The following WDFY2 variants were observed in gnomAD, a reference collection of about 807,000 sequenced individuals.
WDFY2 encodes the protein WD repeat and FYVE domain-containing protein 2.
In WDFY2, 36 loss-of-function variants were observed where a neutral mutation model predicts 56.4. That is an observed-to-expected ratio of 0.64 (90% CI 0.49 to 0.84). The LOEUF (loss-of-function observed/expected upper bound fraction) is 0.84, where lower values mean the gene tolerates loss of function less well. Ranked by LOEUF, WDFY2 falls within the 40% of genes least tolerant of loss-of-function variation. The pLI, the probability that WDFY2 is intolerant of heterozygous loss-of-function variation, is 0.00. For synonymous variants in WDFY2, 176 were observed against 183.7 expected, an observed-to-expected ratio of 0.96 and a Z score of 0.34; for missense variants, 444 against 512.2, an observed-to-expected ratio of 0.87 and a Z score of 1.29.
At chr13:51,681,786 A>C (rs745695469) in intron 3 of WDFY2, among the ~76,000 whole-genome samples, 4 of 152,158 alleles carry the variant, frequency 2.6e-5, no homozygotes, top group African/African-American at 4.8e-5. Context: ...CTTACTATTT[A>C]TTCATTTAAT....
rs961500424 is a variant in WDFY2 at position 51,763,896 on chromosome 13, C to T, written c.*4127C>T. 2.6e-5 allele frequency: 4 copies of T among 152,206 alleles called. No homozygotes were observed. Among genetic ancestry groups the T allele is most frequent in the African/African-American group, 9.6e-5 (4 of 41,454 alleles). The allele number at this position is 152,206 out of a possible 1,614,324, so 9.4% of individuals were successfully genotyped here. A position where few individuals can be genotyped will look rare whatever the true frequency, so the allele number is the denominator to read the frequency against. On this transcript the variant is annotated 3_prime_UTR_variant, in exon 12 of 12. Transcript: ENST00000298125. Reference sequence around the variant, plus strand: ...AAAGGATAGCTCTAAGTGTGGGTTGCAGTTACTGGACATAAATATTCACTA... The same window carrying T: ...AAAGGATAGCTCTAAGTGTGGGTTGTAGTTACTGGACATAAATATTCACTA...
intron 3 of WDFY2, among the ~76,000 whole-genome samples, chr13:51,687,212 A>T (rs1956076233): frequency 6.6e-6 from 1 of 151,832 alleles, no homozygotes; most frequent in African/African-American, 2.4e-5. Context: ...TATATATTGA[A>T]CACCTACTAT....
At chr13:51,636,441 T>A (rs566298403) in intron 1 of WDFY2, among the ~76,000 whole-genome samples, 1 of 152,196 alleles carries the variant, frequency 6.6e-6, no homozygotes, top group Non-Finnish European at 1.5e-5. Context: ...CCTTGACCCA[T>A]TGAGGCATGA....
intron 1 of WDFY2, among the ~76,000 whole-genome samples, chr13:51,659,270 G>A (rs764358805): frequency 8.1e-4 from 124 of 152,272 alleles, no homozygotes; most frequent in Non-Finnish European, 1.3e-3. Context: ...AGTGGGGCAG[G>A]TGGCAGATAT....
intron 1 of WDFY2, among the ~76,000 whole-genome samples, chr13:51,624,711 T>G (rs1323489498): frequency 1.3e-5 from 2 of 152,186 alleles, no homozygotes; most frequent in Non-Finnish European, 2.9e-5. Flanking sequence ...GTGAAGTTTT[T>G]CCTTTTAAAA....
At chr13:51,755,682 A>AT (rs1407784314) in intron 9 of WDFY2, among the ~76,000 whole-genome samples, 2 of 152,106 alleles carry the variant, frequency 1.3e-5, no homozygotes, top group Admixed American at 6.6e-5. Context: ...TAGGGATGTG[A>AT]TTTTAGAATT....
Position 51,761,044 on chromosome 13 carries a change from C to A in WDFY2, c.*1275C>A, listed in dbSNP as rs1424313750. 6.6e-6 allele frequency: 1 copy of A among 152,208 alleles called. No individual in the cohort carries two copies. Among genetic ancestry groups the A allele is most frequent in the African/African-American group, 2.4e-5 (1 of 41,448 alleles). 9.4% of individuals were successfully genotyped at this position (152,208 alleles called of 1,614,324 possible). On this transcript the variant is annotated 3_prime_UTR_variant, in exon 12 of 12. Coordinates refer to ENST00000298125, the MANE Select transcript of WDFY2 (RefSeq NM_052950.4). ...ATGTTCATTACGGCAAGATTGTAAT[C>A]CTGCTGTATTCCTCGCCCTCTGTAT...
intron 1 of WDFY2, among the ~76,000 whole-genome samples, chr13:51,619,465 C>T (rs1954686195): frequency 6.6e-6 from 1 of 151,824 alleles, no homozygotes; most frequent in South Asian, 2.1e-4. Context: ...AAAAAGCCTC[C>T]AGAAGGTATC....
At chr13:51,584,928 G>T (rs1953907341) in intron 1 of WDFY2, 104 bp downstream of exon 1, 2 of 1,475,660 alleles carry the variant, frequency 1.4e-6, no homozygotes, top group South Asian at 2.6e-5. Context: ...GTGTAGACTT[G>T]CTCCCCCAAG....
At chr13:51,590,816 T>TAAAAA (rs1954029414) in intron 1 of WDFY2, 1 of 152,116 alleles carries the variant, frequency 6.6e-6, no homozygotes, top group Non-Finnish European at 1.5e-5. Context: ...CAGTCTTCTC[T>TAAAAA]TTAAAAAAAT....
intron 2 of WDFY2, among the ~76,000 whole-genome samples, chr13:51,671,010 G>C (rs749913980): frequency 6.6e-6 from 1 of 152,094 alleles, no homozygotes; most frequent in Non-Finnish European, 1.5e-5. Context: ...TTAGAATAAT[G>C]GTCTCCAATT....
chr13:51,692,363 G>A (rs974403570), intron 3 of WDFY2, among the ~76,000 whole-genome samples: 3 of 152,108 alleles, frequency 2.0e-5, no homozygotes, highest in African/African-American at 4.8e-5. Flanking sequence ...TTTGAAATAC[G>A]TCCCATCAAT....
intron 1 of WDFY2, among the ~76,000 whole-genome samples, chr13:51,646,795 A>G (rs1444408582): frequency 6.6e-6 from 1 of 152,202 alleles, no homozygotes; most frequent in East Asian, 1.9e-4. Flanking sequence ...TTGCTAGAAT[A>G]TAGCACAAAG....
At chr13:51,651,879 G>C (rs1467051340) in intron 1 of WDFY2, among the ~76,000 whole-genome samples, 1 of 152,208 alleles carries the variant, frequency 6.6e-6, no homozygotes, top group Non-Finnish European at 1.5e-5. Flanking sequence ...ATATTCTGTT[G>C]ATTTGGGGTA....
chr13:51,670,887 C>G (rs142343801), intron 2 of WDFY2, among the ~76,000 whole-genome samples: 29 of 152,178 alleles, frequency 1.9e-4, no homozygotes, highest in Non-Finnish European at 2.6e-4. Flanking sequence ...CACCTTTCCT[C>G]GAATCCCCAA....
intron 1 of WDFY2, chr13:51,589,904 A>C (rs966878235): frequency 2.0e-5 from 3 of 152,172 alleles, no homozygotes; most frequent in African/African-American, 2.4e-5. Context: ...TTTACTCCGA[A>C]TTCAAAACAT....
intron 3 of WDFY2, among the ~76,000 whole-genome samples, chr13:51,677,328 A>G (rs1955905159): frequency 6.6e-6 from 1 of 152,226 alleles, no homozygotes; most frequent in Non-Finnish European, 1.5e-5. Context: ...TGCATACCCT[A>G]CCTCTTCTCA....
rs1240341020 is a variant in WDFY2 at position 51,710,048 on chromosome 13, GGCAAACCGAATCCA to G, written c.334+6402_334+6415del. 7.9e-5 allele frequency among the ~76,000 whole-genome samples: 12 copies of G among 152,230 alleles called. No individual in the cohort carries two copies. In the East Asian group the frequency reaches 2.1e-3, roughly 27 times the overall value. On this transcript the variant is annotated intron_variant, in intron 4 of 11. Transcript: ENST00000298125. ...GTGCAAAAATCCTCAATAAAATACT[GGCAAACCGAATCCA>G]GCAGCATATCAAAAAGCTTATCCAC...
chr13:51,687,589 A>AT (rs1371563670), intron 3 of WDFY2, among the ~76,000 whole-genome samples: 2 of 151,746 alleles, frequency 1.3e-5, no homozygotes, highest in Non-Finnish European at 2.9e-5. Flanking sequence ...TTATAATAGT[A>AT]GTACAACGAA....
Sources: allele counts gnomAD v4.1 joint callset (sites outside exome capture counted in the v4.1 genomes callset), GRCh38; gene constraint gnomAD v4.1.1; transcripts MANE v1.5; gene names NCBI Gene and HGNC (gene_info 2026-07-23, HGNC 2026-07-21).